LPCAT2: variants seen among roughly 807,000 people sequenced by gnomAD.
The protein encoded by LPCAT2 is lysophosphatidylcholine acyltransferase 2, also known as 1-AGP acyltransferase 11.
In LPCAT2, 58 loss-of-function variants were observed where a neutral mutation model predicts 64.7. That is an observed-to-expected ratio of 0.90 (90% CI 0.73 to 1.12). The LOEUF (loss-of-function observed/expected upper bound fraction) is 1.12, where lower values mean the gene tolerates loss of function less well. LPCAT2 is among the 50% of genes most tolerant of loss of function. LPCAT2 has a pLI of 0.00. For missense variants in LPCAT2, 579 were observed against 669.8 expected (o/e 0.86, Z 1.50); for synonymous variants, 252 against 245.3 (o/e 1.03, Z -0.26).
intron 12 of LPCAT2, among the ~76,000 whole-genome samples, chr16:55,578,261 A>G (rs1262949105): frequency 4.6e-5 from 7 of 152,174 alleles, no homozygotes; most frequent in African/African-American, 1.7e-4. Flanking sequence ...TCGTATCTCA[A>G]GACTCATCAG....
At chr16:55,525,012 T>C (rs1963149338) in intron 1 of LPCAT2, among the ~76,000 whole-genome samples, 1 of 152,114 alleles carries the variant, frequency 6.6e-6, no homozygotes, top group South Asian at 2.1e-4. Flanking sequence ...TACTTTCTCA[T>C]CTATCTCCTT....
intron 8 of LPCAT2, chr16:55,540,666 T>C (rs1454987785): frequency 6.5e-6 from 1 of 154,818 alleles, no homozygotes; most frequent in Non-Finnish European, 1.4e-5. Flanking sequence ...AGAAGCCATT[T>C]AGTATATATT....
At chr16:55,544,687 T>C (rs62028768) in intron 8 of LPCAT2, among the ~76,000 whole-genome samples, 13,801 of 152,198 alleles carry the variant, frequency 0.091, 874 homozygotes, top group Non-Finnish European at 0.13. Context: ...TTAGCTTTCC[T>C]GTGTGCACTC....
chr16:55,561,904 AGT>A (rs1291756325), intron 11 of LPCAT2, among the ~76,000 whole-genome samples: 1 of 152,050 alleles, frequency 6.6e-6, no homozygotes, highest in Non-Finnish European at 1.5e-5. Context: ...CAAACCACTC[AGT>A]GTGGCAGAAG....
At chr16:55,527,198 A>G (rs1963182744) in intron 2 of LPCAT2, among the ~76,000 whole-genome samples, 1 of 152,122 alleles carries the variant, frequency 6.6e-6, no homozygotes, top group South Asian at 2.1e-4. Flanking sequence ...TCCTCAGTAT[A>G]TTATTACAAA....
At chr16:55,577,919 C>T (rs1355227725) in intron 12 of LPCAT2, among the ~76,000 whole-genome samples, 2 of 152,174 alleles carry the variant, frequency 1.3e-5, no homozygotes, top group African/African-American at 4.8e-5. Flanking sequence ...TTCCGGTCCC[C>T]TGAAATTGTT....
intron 5 of LPCAT2, 34 bp from the exon 6 acceptor site, chr16:55,532,789 TA>T (rs753364004): frequency 1.2e-5 from 18 of 1,521,530 alleles, no homozygotes; most frequent in Non-Finnish European, 1.6e-5. Flanking sequence ...TTTATTCACA[TA>T]AAAACACATT....
Position 55,509,169 on chromosome 16 carries a change from G to C in LPCAT2, c.-13G>C. 7.5e-7 allele frequency: 1 copy of C among 1,337,050 alleles called. No homozygotes were observed. Among genetic ancestry groups the C allele is most frequent in the South Asian group, 1.9e-5 (1 of 51,496 alleles). 82.8% of individuals were successfully genotyped at this position (1,337,050 alleles called of 1,614,324 possible). A position where few individuals can be genotyped will look rare whatever the true frequency, so the allele number is the denominator to read the frequency against. ...GTAGATCGCTTCGGCCGGGTTCTAC[G>C]CCCGGCTCAACTATGAGCCGGTGCG... On this transcript the variant is annotated 5_prime_UTR_variant, in exon 1 of 14. Transcript: ENST00000262134.
chr16:55,566,953 A>G lies in LPCAT2; in HGVS notation c.1216-7678A>G, dbSNP rs749172950. ...CCAGAACCGCCTCCCACTCAGCAGC[A>G]TTTCACCAGTGTGGAGGCCTCAGAA... On this transcript the variant is annotated intron_variant, in intron 11 of 13. Coordinates refer to ENST00000262134, the MANE Select transcript of LPCAT2 (RefSeq NM_017839.5). The G allele has an allele frequency of 4.3e-6, 7 of 1,613,812 alleles. No homozygotes were observed. The South Asian group carries it at 7.7e-5, about 18-fold the overall frequency.
intron 3 of LPCAT2, 105 bp from the exon 4 acceptor site, chr16:55,529,730 T>C (rs1963224310): frequency 2.2e-6 from 1 of 458,052 alleles, no homozygotes; most frequent in Non-Finnish European, 3.9e-6. Context: ...TCTCTTTGAT[T>C]TACTCATTTA....
At chr16:55,542,733 G>A (rs1428875186) in intron 8 of LPCAT2, among the ~76,000 whole-genome samples, 1 of 152,124 alleles carries the variant, frequency 6.6e-6, no homozygotes, top group Non-Finnish European at 1.5e-5. Flanking sequence ...GTGACCATTA[G>A]GTTGTCATGG....
chr16:55,557,682 T>C (rs1963592792), intron 11 of LPCAT2, among the ~76,000 whole-genome samples: 1 of 152,140 alleles, frequency 6.6e-6, no homozygotes, highest in African/African-American at 2.4e-5. Flanking sequence ...CCCCCTTTCT[T>C]CTTTTCTTTT....
intron 11 of LPCAT2, among the ~76,000 whole-genome samples, chr16:55,558,479 A>C (rs1436758192): frequency 6.6e-6 from 1 of 152,216 alleles, no homozygotes; most frequent in Admixed American, 6.5e-5. Context: ...CAAACTTGCC[A>C]ATATACCATA....
chr16:55,571,248 C>T (rs1002561462), intron 11 of LPCAT2, among the ~76,000 whole-genome samples: 1 of 152,106 alleles, frequency 6.6e-6, no homozygotes, highest in African/African-American at 2.4e-5. Flanking sequence ...ATGAGAATCA[C>T]CACTTATTTT....
At chr16:55,516,820 CAGCAGA>C (rs1450524293) in intron 1 of LPCAT2, among the ~76,000 whole-genome samples, 2 of 152,126 alleles carry the variant, frequency 1.3e-5, no homozygotes, top group Non-Finnish European at 2.9e-5. Context: ...CACTCAACAA[CAGCAGA>C]AAACACATTA....
intron 11 of LPCAT2, among the ~76,000 whole-genome samples, chr16:55,554,009 TC>T (rs1963547503): frequency 6.6e-6 from 1 of 152,226 alleles, no homozygotes; most frequent in Non-Finnish European, 1.5e-5. Context: ...GCAGTAGGTC[TC>T]AACAATGTTC....
In LPCAT2 at chr16:55,525,638, G is replaced by A; in HGVS notation, c.302G>A (p.Gly101Asp). The change falls in exon 2 of 14, where the codon GGT becomes GAT. Residue 101 changes from glycine (G) to aspartate (D), a missense_variant. Coordinates refer to ENST00000262134, the MANE Select transcript of LPCAT2 (RefSeq NM_017839.5). ...GAAAAGCTGACCCACCCAATAACTG[G>A]TTGGAGGAGGTAAGAAATAATTTTG... ...CPEKLTHPIT[G>D]WRRKITQTAL... is the part of the protein sequence containing the mutation. 6.3e-7 allele frequency: 1 copy of A among 1,598,488 alleles called. No individual in the cohort carries two copies. Among genetic ancestry groups the A allele is most frequent in the South Asian group, 1.1e-5 (1 of 87,718 alleles).
rs118113436 is a variant in LPCAT2, at chr16:55,524,459, G to C, written c.172-1049G>C. 1.9e-3 allele frequency among the ~76,000 whole-genome samples: 285 copies of C among 152,042 alleles called. 10 individuals are homozygous for C. In the East Asian group the frequency reaches 0.052, roughly 28 times the overall value. Reference sequence around the variant, plus strand: ...TTTCTGGGAGTGGTAAATATGTTTTGTGTCTTAATTGCAGTGGTGGTTACA... The same window carrying C: ...TTTCTGGGAGTGGTAAATATGTTTTCTGTCTTAATTGCAGTGGTGGTTACA... On this transcript the variant is annotated intron_variant, in intron 1 of 13. Transcript: ENST00000262134.
In LPCAT2 at chr16:55,579,233, C is replaced by G. The variant is rs1217271023; in HGVS notation, c.1439C>G (p.Ser480Ter). The stretch of plus-strand genomic sequence containing the variant: ...TTCAAGGAAATAGCCCAAGGGGACT[C>G]AATTTCCTATGGTGAGTAGGCAATC... ...GLFKEIAQGD[S>*]ISYEEFKSFA... Residue 480 changes from serine to a stop codon, truncating the protein, a stop_gained, in exon 13 of 14, where the codon TCA becomes TGA. Transcript: ENST00000262134. LOFTEE classifies it high-confidence loss of function. 1 of 1,612,728 alleles carries G rather than the reference C, an allele frequency of 6.2e-7. No individual in the cohort carries two copies. The highest frequency in any genetic ancestry group is 8.5e-7 in the Non-Finnish European group (1 of 1,179,390).
Sources: gnomAD v4.1 joint callset for allele counts (sites outside exome capture counted in the v4.1 genomes callset) on GRCh38, gnomAD v4.1.1 for gene constraint, MANE v1.5 for transcripts, NCBI Gene and HGNC (gene_info 2026-07-23, HGNC 2026-07-21) for gene names.